Variants in MTHFD2 observed in about 807,000 individuals in gnomAD.
MTHFD2 encodes methylenetetrahydrofolate dehydrogenase (NADP+ dependent) 2, methenyltetrahydrofolate cyclohydrolase, also known as bifunctional methylenetetrahydrofolate dehydrogenase/cyclohydrolase, mitochondrial.
A neutral mutation model predicts 36.8 loss-of-function variants in MTHFD2; 26 were observed. That is an observed-to-expected ratio of 0.71 (90% CI 0.52 to 0.98). The LOEUF (loss-of-function observed/expected upper bound fraction) is 0.98, where lower values mean the gene tolerates loss of function less well. Ranked by LOEUF, MTHFD2 falls within the 50% of genes least tolerant of loss-of-function variation. The probability of loss-of-function intolerance (pLI) is 0.00; values close to 1 mark genes in which losing one functional copy is unlikely to be tolerated. For missense variants in MTHFD2, 373 were observed against 434.0 expected (o/e 0.86, Z 1.25); for synonymous variants, 164 against 155.2 (o/e 1.06, Z -0.42).
chr2:74,198,899 C>T (rs1005036439), intron 1 of MTHFD2, among the ~76,000 whole-genome samples, 157 bp downstream of exon 1: 1 of 152,130 alleles, frequency 6.6e-6, no homozygotes, highest in African/African-American at 2.4e-5. Flanking sequence ...CGACGTGGCA[C>T]CGAGCGCCGC....
chr2:74,205,044 C>T (rs983416695), intron 1 of MTHFD2, among the ~76,000 whole-genome samples: 2 of 152,062 alleles, frequency 1.3e-5, no homozygotes, highest in African/African-American at 4.8e-5. Flanking sequence ...AGGCTGGTCT[C>T]GAACTCCTTA....
At position 74,214,361 on chromosome 2, in the gene MTHFD2, A is replaced by T. The variant is rs1352275562; in HGVS notation, c.*119A>T. 2 of 1,202,198 alleles carry T rather than the reference A, an allele frequency of 1.7e-6. No individual in the cohort carries two copies. The highest frequency in any genetic ancestry group is 2.3e-6 in the Non-Finnish European group (2 of 869,754). 74.5% of individuals were successfully genotyped at this position (1,202,198 alleles called of 1,614,324 possible). On this transcript the variant is annotated 3_prime_UTR_variant, in exon 8 of 8. Transcript: ENST00000394053. ...GAAATGGTTTAAAATGATGCCTTGT[A>T]TTTATTGAAAGCTTAAATGGGTGGG...
At position 74,214,106 on chromosome 2, in the gene MTHFD2, C is replaced by T; in HGVS notation, c.917C>T (p.Thr306Ile). 2 of 1,614,092 alleles carry T rather than the reference C, an allele frequency of 1.2e-6. No homozygotes were observed. The highest frequency in any genetic ancestry group is 2.7e-5 in the African/African-American group (2 of 75,044). Residue 306 changes from threonine to isoleucine, a missense_variant, in exon 8 of 8, where the codon ACT (threonine) becomes ATT (isoleucine). Physicochemically the swap from Thr to Ile is moderately conservative, Grantham distance 89. This residue lies in a region of MTHFD2 where 308 missense variants were observed against 397.8 expected (regional missense o/e 0.77). Transcript: ENST00000394053. ...GTCAGACAAAAAGCTGGGTATATCACTCCAGTTCCTGGAGGTGTTGGCCCC... is the reference window on the plus strand; with the variant it reads ...GTCAGACAAAAAGCTGGGTATATCATTCCAGTTCCTGGAGGTGTTGGCCCC... ...EGVRQKAGYITPVPGGVGPMT... is the reference protein window; with the variant it reads ...EGVRQKAGYIIPVPGGVGPMT...
chr2:74,207,560 T>C, intron 2 of MTHFD2, 144 bp from the exon 3 acceptor site: 1 of 680,042 alleles, frequency 1.5e-6, no homozygotes, highest in East Asian at 2.8e-5. Context: ...TGAAGTTACT[T>C]TTTTAGGTTC....
rs1694478255 is a variant in MTHFD2, at chr2:74,217,400, T to C, written c.*3158T>C. 1 of 152,228 alleles carries C rather than the reference T, an allele frequency of 6.6e-6. No individual in the cohort carries two copies. Among genetic ancestry groups the C allele is most frequent in the Admixed American group, 6.5e-5 (1 of 15,276 alleles). The allele number at this position is 152,228 out of a possible 1,614,324, so 9.4% of individuals were successfully genotyped here. Reference sequence around the variant, plus strand: ...TAGGTTTGCTTCATTGAAACTGGTTTTTATCTTCCCAAATAGTTTTCAATC... The same window carrying C: ...TAGGTTTGCTTCATTGAAACTGGTTCTTATCTTCCCAAATAGTTTTCAATC... On this transcript the variant is annotated 3_prime_UTR_variant, in exon 8 of 8. Transcript: ENST00000394053.
At chr2:74,213,840 ATTTC>A (rs1381629388) in intron 7 of MTHFD2, among the ~76,000 whole-genome samples, 1 of 152,186 alleles carries the variant, frequency 6.6e-6, no homozygotes, top group Non-Finnish European at 1.5e-5. Flanking sequence ...CCTACTAGAT[ATTTC>A]TTTAATAGAT....
chr2:74,205,946 G>A, intron 2 of MTHFD2, 57 bp downstream of exon 2: 1 of 1,524,564 alleles, frequency 6.6e-7, no homozygotes, highest in South Asian at 1.2e-5. Context: ...ATGAGGCAAA[G>A]TCCATTCTAA....
At chr2:74,208,860 TA>T in intron 4 of MTHFD2, 139 bp downstream of exon 4, 1 of 914,434 alleles carries the variant, frequency 1.1e-6, no homozygotes, top group Non-Finnish European at 1.6e-6. Context: ...TTACCTCTCT[TA>T]ACAGTTTTTT....
At chr2:74,208,480 A>T (rs915579595) in intron 3 of MTHFD2, 89 bp from the exon 4 acceptor site, 1 of 1,435,618 alleles carries the variant, frequency 7.0e-7, no homozygotes, top group East Asian at 2.3e-5. Context: ...GTAGAAGAAT[A>T]GATTTCCTTG....
At position 74,214,705 on chromosome 2, in the gene MTHFD2, T is replaced by C. The variant is rs1172669897; in HGVS notation, c.*463T>C. On this transcript the variant is annotated 3_prime_UTR_variant, in exon 8 of 8. Transcript: ENST00000394053. ...GGTGAAAAAGAAAAAATGGTAGTAA[T>C]TGAGCAGAAAAAAATTAATTTATAT... 2 of 152,748 alleles carry C rather than the reference T, an allele frequency of 1.3e-5. No individual in the cohort carries two copies. Among genetic ancestry groups the C allele is most frequent in the African/African-American group, 4.8e-5 (2 of 41,448 alleles). 9.5% of individuals were successfully genotyped at this position (152,748 alleles called of 1,614,324 possible). A position where few individuals can be genotyped will look rare whatever the true frequency, so the allele number is the denominator to read the frequency against.
At position 74,214,236 on chromosome 2, in the gene MTHFD2, T is replaced by A. The variant is rs369775701; in HGVS notation, c.1047T>A (p.Thr349=). 7.4e-6 allele frequency: 12 copies of A among 1,613,710 alleles called. No individual in the cohort carries two copies. In the African/African-American group the frequency reaches 1.5e-4, roughly 20 times the overall value. Residue 349 remains threonine (T), a synonymous_variant, in exon 8 of 8, where the codon ACT becomes ACA. Coordinates refer to ENST00000394053, the MANE Select transcript of MTHFD2 (RefSeq NM_006636.4). ...AGTCTAAAGAGCTTGGGGTAGCCAC[T>A]AATTAACTACTGTGTCTTCTGTGTC... ...VLKSKELGVA[T]N is the part of the protein sequence containing the mutation.
At position 74,211,237 on chromosome 2, in the gene MTHFD2, A is replaced by G. The variant is rs773595765; in HGVS notation, c.709A>G (p.Lys237Glu). 2 of 1,609,152 alleles carry G rather than the reference A, an allele frequency of 1.2e-6. No individual in the cohort carries two copies. Among genetic ancestry groups the G allele is most frequent in the Admixed American group, 1.7e-5 (1 of 59,926 alleles). The change falls in exon 6 of 8, where the codon AAA becomes GAA. Residue 237 changes from lysine (K) to glutamate (E), a missense_variant. Lys to Glu is a moderately conservative substitution (Grantham distance 56). Transcript: ENST00000394053. ...TVTISHRYTP[K>E]EQLKKHTILA... is the part of the protein sequence containing the mutation. ...TACAATATCTCATCGATATACTCCC[A>G]AAGAGCAGTTGAAGAAACATACAAT...
chr2:74,213,275 T>TTA (rs1171863143), intron 7 of MTHFD2, among the ~76,000 whole-genome samples: 1 of 132,208 alleles, frequency 7.6e-6, no homozygotes, highest in African/African-American at 3.0e-5. Flanking sequence ...CTTTCCTTTT[T>TTA]TTTTTTTTTT....
chr2:74,206,742 CTT>C (rs1208549395), intron 2 of MTHFD2: 2 of 152,282 alleles, frequency 1.3e-5, no homozygotes, highest in African/African-American at 2.4e-5. Flanking sequence ...GCATTTCGCT[CTT>C]GTTGCCCAGG....
chr2:74,210,019 CACACAGATGGG>C lies in MTHFD2; in HGVS notation c.641_651del (p.His214ArgfsTer3). 6.2e-7 allele frequency: 1 copy of C among 1,613,602 alleles called. No individual in the cohort carries two copies. Among genetic ancestry groups the C allele is most frequent in the South Asian group, 1.1e-5 (1 of 91,016 alleles). On this transcript the variant is annotated frameshift_variant, in exon 5 of 8. Coordinates refer to ENST00000394053, the MANE Select transcript of MTHFD2 (RefSeq NM_006636.4). LOFTEE classifies it high-confidence loss of function. ...TGGAATGCCCATTGCAATGTTACTG[CACACAGATGGG>C]GCGCATGAACGTCCCGGAGGTAAGG...
In MTHFD2 at chr2:74,211,759, C is replaced by T; in HGVS notation, c.782C>T (p.Thr261Ile). The T allele has an allele frequency of 6.2e-7, 1 of 1,611,006 alleles. No individual in the cohort carries two copies. Among genetic ancestry groups the T allele is most frequent in the South Asian group, 1.1e-5 (1 of 90,854 alleles). ...ISAAGIPNLI[T>I]ADMIKEGAAV... ...TTTCCAGGTATTCCAAATCTGATCA[C>T]AGCAGATATGATCAAGGAAGGAGCA... is the stretch of plus-strand genomic sequence containing the variant. Residue 261 changes from threonine to isoleucine, a missense_variant, in exon 7 of 8, where the codon ACA (threonine) becomes ATA (isoleucine). This residue lies in a region of MTHFD2 where 308 missense variants were observed against 397.8 expected (regional missense o/e 0.77). Transcript: ENST00000394053.
intron 1 of MTHFD2, among the ~76,000 whole-genome samples, chr2:74,201,477 C>G (rs1452093513): frequency 1.3e-5 from 2 of 151,744 alleles, no homozygotes; most frequent in East Asian, 1.9e-4. Context: ...CCCACCTCAG[C>G]TTGTGAGTAA....
At chr2:74,208,546 A>G in intron 3 of MTHFD2, 23 bp from the exon 4 acceptor site, 1 of 1,611,700 alleles carries the variant, frequency 6.2e-7, no homozygotes, top group South Asian at 1.1e-5. Context: ...GATTTAAGGC[A>G]ACTGTGCCAA....
chr2:74,213,270 CTTTTTTTTT>C (rs10638050), intron 7 of MTHFD2, among the ~76,000 whole-genome samples: 2 of 76,032 alleles, frequency 2.6e-5, no homozygotes, highest in Non-Finnish European at 4.6e-5. Flanking sequence ...TTTTTCTTTC[CTTTTTTTTT>C]TTTTTTTTTT....
Sources: allele counts gnomAD v4.1 joint callset (sites outside exome capture counted in the v4.1 genomes callset), GRCh38; gene constraint gnomAD v4.1.1; regional missense constraint gnomAD v4.1.1; transcripts MANE v1.5; gene names NCBI Gene and HGNC (gene_info 2026-07-23, HGNC 2026-07-21).